The following FILIP1 variants were observed in gnomAD, a reference collection of about 807,000 sequenced individuals.
FILIP1 encodes the protein filamin A interacting protein 1.
FILIP1 carries 61 observed loss-of-function variants against 102.1 expected under a neutral mutation model. The ratio of observed to expected loss-of-function variants is 0.60; its 90% CI spans 0.49 to 0.74. The LOEUF (loss-of-function observed/expected upper bound fraction) is 0.74, where lower values mean the gene tolerates loss of function less well. Ranked by LOEUF, FILIP1 falls within the 30% of genes least tolerant of loss-of-function variation. The probability of loss-of-function intolerance (pLI) is 0.00; values close to 1 mark genes in which losing one functional copy is unlikely to be tolerated. For synonymous variants in FILIP1, 491 were observed against 526.9 expected, an observed-to-expected ratio of 0.93 and a Z score of 0.93; for missense variants, 1,314 against 1,441.2, an observed-to-expected ratio of 0.91 and a Z score of 1.43.
At chr6:75,317,608 G>A (rs776416470) in intron 4 of FILIP1, among the ~76,000 whole-genome samples, 16 of 152,118 alleles carry the variant, frequency 1.1e-4, no homozygotes, top group Admixed American at 8.5e-4. Context: ...CCAATCAGTG[G>A]GAAATTCCAT....
chr6:75,460,144 C>T (rs1280979435), intron 1 of FILIP1, among the ~76,000 whole-genome samples: 1 of 152,142 alleles, frequency 6.6e-6, no homozygotes, highest in Admixed American at 6.6e-5. Flanking sequence ...TCTAAGGATT[C>T]TTTGGTTGGA....
At chr6:75,378,255 C>T (rs1775805025) in intron 2 of FILIP1, among the ~76,000 whole-genome samples, 1 of 152,144 alleles carries the variant, frequency 6.6e-6, no homozygotes, top group Non-Finnish European at 1.5e-5. Context: ...CACTTAGGAA[C>T]ACTAGACAGC....
chr6:75,489,260 G>A (rs1048740306), intron 1 of FILIP1, among the ~76,000 whole-genome samples: 21 of 152,082 alleles, frequency 1.4e-4, no homozygotes, highest in African/African-American at 4.8e-4. Flanking sequence ...GCAGACTGCT[G>A]AGTGATAAGG....
intron 4 of FILIP1, among the ~76,000 whole-genome samples, chr6:75,347,010 T>C (rs1582377528): frequency 3.4e-5 from 1 of 29,206 alleles, no homozygotes; most frequent in Admixed American, 3.1e-4. Flanking sequence ...TATGACCAAG[T>C]GAAGGTCTGT....
chr6:75,362,717 G>C (rs748741296), intron 3 of FILIP1, 27 bp downstream of exon 3: 10 of 1,605,272 alleles, frequency 6.2e-6, no homozygotes, highest in Middle Eastern at 1.8e-4. Flanking sequence ...TTCCCATCCA[G>C]GGGACTTGTT....
chr6:75,414,941 G>A lies in FILIP1; in HGVS notation c.32C>T (p.Ala11Val). Reference sequence around the variant, plus strand: ...GGGACAGGAGATATGCCCATCAGATGCACTTTCACCACCTTGGTTTCGAGA... The same window carrying A: ...GGGACAGGAGATATGCCCATCAGATACACTTTCACCACCTTGGTTTCGAGA... MRSRNQGGESASDGHISCPKP... is the reference protein window; with the variant it reads MRSRNQGGESVSDGHISCPKP... The change falls in exon 2 of 6, where the codon GCA becomes GTA. Residue 11 changes from alanine to valine, a missense_variant. This residue lies in a region of FILIP1 where 494 missense variants were observed against 511.2 expected (regional missense o/e 0.97). Coordinates refer to ENST00000237172, the MANE Select transcript of FILIP1 (RefSeq NM_015687.5). 6.2e-7 allele frequency: 1 copy of A among 1,613,682 alleles called. No homozygotes were observed. Among genetic ancestry groups the A allele is most frequent in the Non-Finnish European group, 8.5e-7 (1 of 1,179,784 alleles).
intron 2 of FILIP1, among the ~76,000 whole-genome samples, chr6:75,365,606 C>T (rs1016433868): frequency 8.5e-5 from 13 of 152,074 alleles, no homozygotes; most frequent in Non-Finnish European, 1.6e-4. Flanking sequence ...AGGCTGGTCT[C>T]GAACTCCTGA....
At chr6:75,433,077 C>T (rs560573810) in intron 1 of FILIP1, among the ~76,000 whole-genome samples, 4 of 152,226 alleles carry the variant, frequency 2.6e-5, no homozygotes, top group African/African-American at 7.2e-5. Context: ...CAGTCTATCA[C>T]TGATGGACAT....
chr6:75,475,983 A>G (rs765072389), intron 1 of FILIP1, among the ~76,000 whole-genome samples: 1 of 152,092 alleles, frequency 6.6e-6, no homozygotes, highest in Non-Finnish European at 1.5e-5. Context: ...GCTCACACCT[A>G]TAATCCCAGC....
chr6:75,377,927 G>T (rs1775796515), intron 2 of FILIP1, among the ~76,000 whole-genome samples: 1 of 152,192 alleles, frequency 6.6e-6, no homozygotes, highest in Admixed American at 6.5e-5. Flanking sequence ...AAATAGAAGT[G>T]AACAACAGTT....
At chr6:75,415,092 C>A (rs1777216599) in intron 1 of FILIP1, 114 bp from the exon 2 acceptor site, 5 of 962,228 alleles carry the variant, frequency 5.2e-6, no homozygotes, top group Non-Finnish European at 7.7e-6. Context: ...AAGGAAAAAT[C>A]AAATTAACAT....
intron 1 of FILIP1, chr6:75,428,505 C>G (rs1777710087): frequency 6.5e-6 from 1 of 154,300 alleles, no homozygotes; most frequent in Non-Finnish European, 1.5e-5. Flanking sequence ...GATGCTGATG[C>G]TGTTAGTCCC....
chr6:75,294,855 G>T (rs954458780), exon 7 of FILIP1: 1 of 134,866 alleles, frequency 7.4e-6, no homozygotes, highest in Non-Finnish European at 1.6e-5. Flanking sequence ...ATCAGGCCCA[G>T]CTAACTTCTT....
At chr6:75,351,859 T>C (rs2808192) in intron 4 of FILIP1, among the ~76,000 whole-genome samples, 3,889 of 152,262 alleles carry the variant, frequency 0.026, 182 homozygotes, top group African/African-American at 0.088. Context: ...TAGCTTGAGG[T>C]TGGAAAGTTC....
chr6:75,433,095 G>A (rs1410248637), intron 1 of FILIP1, among the ~76,000 whole-genome samples: 1 of 152,170 alleles, frequency 6.6e-6, no homozygotes, highest in Non-Finnish European at 1.5e-5. Flanking sequence ...CATTTGGGTT[G>A]GTTCCAAGTC....
intron 4 of FILIP1, among the ~76,000 whole-genome samples, chr6:75,315,936 G>A (rs1477907502): frequency 6.6e-6 from 1 of 152,216 alleles, no homozygotes; most frequent in Non-Finnish European, 1.5e-5. Context: ...AGTATGACTG[G>A]CTTTCTGATA....
At chr6:75,320,004 G>T in intron 4 of FILIP1, 1 of 311,892 alleles carries the variant, frequency 3.2e-6, no homozygotes, top group Non-Finnish European at 6.0e-6. Context: ...TCTTCAGCAA[G>T]GCAGAGTCGC....
At chr6:75,431,793 T>C (rs1432043341) in intron 1 of FILIP1, among the ~76,000 whole-genome samples, 3 of 152,214 alleles carry the variant, frequency 2.0e-5, no homozygotes, top group Admixed American at 6.5e-5. Flanking sequence ...TCTACACTTC[T>C]GCTCCAAGGG....
intron 1 of FILIP1, among the ~76,000 whole-genome samples, chr6:75,449,676 G>T (rs1778556790): frequency 6.6e-6 from 1 of 151,918 alleles, no homozygotes; most frequent in Non-Finnish European, 1.5e-5. Flanking sequence ...AACAAGAGTA[G>T]GACATTGAAG....
Sources: allele counts gnomAD v4.1 joint callset (sites outside exome capture counted in the v4.1 genomes callset), GRCh38; gene constraint gnomAD v4.1.1; regional missense constraint gnomAD v4.1.1; transcripts MANE v1.5; gene names NCBI Gene and HGNC (gene_info 2026-07-23, HGNC 2026-07-21).